SLC10A7: variants seen among roughly 807,000 people sequenced by gnomAD.
SLC10A7 encodes the protein solute carrier family 10 member 7.
A neutral mutation model predicts 43.2 loss-of-function variants in SLC10A7; 29 were observed. The ratio of observed to expected loss-of-function variants is 0.67; its 90% confidence interval spans 0.50 to 0.92. SLC10A7 has a LOEUF of 0.92. Ranked by LOEUF, SLC10A7 falls within the 40% of genes least tolerant of loss-of-function variation. The pLI, the probability that SLC10A7 is intolerant of heterozygous loss-of-function variation, is 0.00. For synonymous variants in SLC10A7, 152 were observed against 144.8 expected, an observed-to-expected ratio of 1.05 and a Z score of -0.35; for missense variants, 295 against 403.2, an observed-to-expected ratio of 0.73 and a Z score of 2.30.
intron 5 of SLC10A7, among the ~76,000 whole-genome samples, chr4:146,417,823 C>T (rs1051553854): frequency 2.0e-5 from 3 of 152,074 alleles, no homozygotes; most frequent in East Asian, 1.9e-4. Context: ...TTGGATACTA[C>T]GGGAAAGAAG....
At chr4:146,267,946 G>A (rs2111032654) in intron 10 of SLC10A7, among the ~76,000 whole-genome samples, 1 of 152,246 alleles carries the variant, frequency 6.6e-6, no homozygotes, top group African/African-American at 2.4e-5. Context: ...CAGTTTATCA[G>A]ATATGTACCA....
At chr4:146,361,958 T>C (rs1736074617) in intron 5 of SLC10A7, among the ~76,000 whole-genome samples, 1 of 152,092 alleles carries the variant, frequency 6.6e-6, no homozygotes, top group South Asian at 2.1e-4. Flanking sequence ...CCGAAAAATG[T>C]ATCAGTCTCT....
chr4:146,410,793 A>G (rs1268842694), intron 5 of SLC10A7, among the ~76,000 whole-genome samples: 1 of 152,130 alleles, frequency 6.6e-6, no homozygotes, highest in Non-Finnish European at 1.5e-5. Flanking sequence ...TTGTTTTAAA[A>G]GATCTTTTAA....
At chr4:146,445,783 G>T (rs903514893) in intron 4 of SLC10A7, among the ~76,000 whole-genome samples, 1 of 152,080 alleles carries the variant, frequency 6.6e-6, no homozygotes, top group Non-Finnish European at 1.5e-5. Context: ...AAAATCTTCC[G>T]CGGGAGTCTG....
intron 5 of SLC10A7, among the ~76,000 whole-genome samples, chr4:146,366,405 G>A (rs3849032): frequency 0.022 from 3,333 of 152,156 alleles, 114 homozygotes; most frequent in African/African-American, 0.076. Flanking sequence ...GTCATTTCAG[G>A]TCAGATATTG....
At chr4:146,362,033 C>T (rs1736080357) in intron 5 of SLC10A7, among the ~76,000 whole-genome samples, 2 of 151,786 alleles carry the variant, frequency 1.3e-5, no homozygotes, top group African/African-American at 4.8e-5. Context: ...TATAAAAATA[C>T]ACAGCCAGAA....
intron 6 of SLC10A7, among the ~76,000 whole-genome samples, chr4:146,325,108 T>C (rs528999341): frequency 2.0e-5 from 3 of 152,314 alleles, no homozygotes; most frequent in Admixed American, 6.5e-5. Context: ...ATTTTCCCCA[T>C]AGTTTTAATT....
chr4:146,464,022 A>C (rs1319568011), intron 4 of SLC10A7, among the ~76,000 whole-genome samples: 6 of 151,672 alleles, frequency 4.0e-5, no homozygotes, highest in Admixed American at 1.3e-4. Context: ...ATGGGGTCCC[A>C]CTATGTTGCC....
chr4:146,437,376 C>T (rs935697525), intron 5 of SLC10A7, among the ~76,000 whole-genome samples: 1 of 152,030 alleles, frequency 6.6e-6, no homozygotes, highest in Non-Finnish European at 1.5e-5. Flanking sequence ...CAGGATGGGC[C>T]ATTTAAAATC....
chr4:146,384,779 T>C (rs1737871634), intron 5 of SLC10A7, among the ~76,000 whole-genome samples: 1 of 152,208 alleles, frequency 6.6e-6, no homozygotes, highest in East Asian at 1.9e-4. Context: ...GGGAGGTGCC[T>C]AGGTCATGAA....
intron 4 of SLC10A7, among the ~76,000 whole-genome samples, chr4:146,477,121 G>A (rs1734096421): frequency 2.0e-5 from 3 of 152,166 alleles, no homozygotes; most frequent in African/African-American, 7.2e-5. Context: ...ACTACACAAA[G>A]AATATGAAAT....
At chr4:146,334,039 G>A (rs980238864) in intron 5 of SLC10A7, among the ~76,000 whole-genome samples, 1 of 152,116 alleles carries the variant, frequency 6.6e-6, no homozygotes, top group East Asian at 1.9e-4. Context: ...TGTCAAAACA[G>A]AAGGAAGAAC....
At chr4:146,379,081 T>C (rs1347279195) in intron 5 of SLC10A7, among the ~76,000 whole-genome samples, 2 of 152,234 alleles carry the variant, frequency 1.3e-5, no homozygotes, top group East Asian at 3.8e-4. Flanking sequence ...CAATGTCCAC[T>C]TCCTGTGGAG....
chr4:146,451,244 A>AC (rs886605450), intron 4 of SLC10A7, among the ~76,000 whole-genome samples: 12 of 149,200 alleles, frequency 8.0e-5, no homozygotes, highest in African/African-American at 3.0e-4. Context: ...AAAAAAAAAA[A>AC]AAAAAACAAA....
chr4:146,265,456 TC>T (rs1467733658), intron 10 of SLC10A7, among the ~76,000 whole-genome samples: 2 of 152,200 alleles, frequency 1.3e-5, no homozygotes, highest in Admixed American at 6.5e-5. Context: ...TCTATTTTCC[TC>T]CATGATGAAG....
At chr4:146,463,314 G>A (rs772641386) in intron 4 of SLC10A7, among the ~76,000 whole-genome samples, 10 of 152,224 alleles carry the variant, frequency 6.6e-5, no homozygotes, top group East Asian at 1.9e-4. Context: ...AATGAGCAAC[G>A]AATATTGCAT....
intron 9 of SLC10A7, among the ~76,000 whole-genome samples, chr4:146,285,714 G>C (rs1448524720): frequency 6.6e-6 from 1 of 152,256 alleles, no homozygotes; most frequent in African/African-American, 2.4e-5. Context: ...TGAGCCTTGG[G>C]AAGGAGGCCA....
Position 146,325,977 on chromosome 4 carries a change from AG to A in SLC10A7, c.454del (p.Leu152CysfsTer24). ...GSFLGIVITPLLLLLFLGSSS... is the reference protein window; with the variant it reads ...GSFLGIVITPXLLLLFLGSSS... Reference sequence around the variant, plus strand: ...AATACTCACAAAAAGCAGCAGGAGCAGGGGTGTTATAACGATGCCCTGAAAG... The same window carrying A: ...AATACTCACAAAAAGCAGCAGGAGCAGGGTGTTATAACGATGCCCTGAAAG... On this transcript the variant is annotated frameshift_variant, in exon 6 of 12. Transcript: ENST00000335472. LOFTEE classifies it high-confidence loss of function. 6.2e-7 allele frequency: 1 copy of A among 1,612,420 alleles called. No homozygotes were observed. Among genetic ancestry groups the A allele is most frequent in the Non-Finnish European group, 8.5e-7 (1 of 1,179,160 alleles).
intron 4 of SLC10A7, among the ~76,000 whole-genome samples, chr4:146,492,498 G>T (rs1735551532): frequency 6.6e-6 from 1 of 152,014 alleles, no homozygotes; most frequent in Admixed American, 6.6e-5. Context: ...CTCCCAAGGA[G>T]CTGGGACCAC....
Sources: gnomAD v4.1 joint callset for allele counts (sites outside exome capture counted in the v4.1 genomes callset) on GRCh38, gnomAD v4.1.1 for gene constraint, MANE v1.5 for transcripts, NCBI Gene and HGNC (gene_info 2026-07-23, HGNC 2026-07-21) for gene names.